The following ATG7 variants were observed in gnomAD, a reference collection of about 807,000 sequenced individuals.
ATG7 encodes the protein ubiquitin-like modifier-activating enzyme ATG7.
In ATG7, 70 loss-of-function variants were observed where a neutral mutation model predicts 82.4. That is an observed-to-expected ratio of 0.85 (90% CI 0.70 to 1.04). ATG7 has a LOEUF of 1.04. Among genes scored for constraint, ATG7 ranks in the 50% least tolerant of loss-of-function variants. The probability of loss-of-function intolerance (pLI) is 0.00; values close to 1 mark genes in which losing one functional copy is unlikely to be tolerated. For synonymous variants in ATG7, 287 were observed against 313.0 expected (o/e 0.92, Z 0.88); for missense variants, 792 against 864.3 (o/e 0.92, Z 1.05).
the ATG7 span, chr3:11,568,533 A>C: frequency 1.6e-5 from 25 of 1,544,708 alleles, no homozygotes; most frequent in Middle Eastern, 5.0e-4. This position sits in a 1 kb window ranked among gnomAD's most constrained non-coding sequence, Gnocchi z 5.9. Context: ...GGTCAGACAA[A>C]GACACTGAAA....
At chr3:11,547,700 C>A (rs1278639912) in intron 20 of ATG7, among the ~76,000 whole-genome samples, 1 of 152,188 alleles carries the variant, frequency 6.6e-6, no homozygotes, top group Non-Finnish European at 1.5e-5. Context: ...CTGGCTTTTT[C>A]ACTGCAGCCA....
At chr3:11,435,828 A>T (rs941984700) in intron 20 of ATG7, among the ~76,000 whole-genome samples, 1 of 152,228 alleles carries the variant, frequency 6.6e-6, no homozygotes, top group Non-Finnish European at 1.5e-5. Flanking sequence ...CTCCATCAAA[A>T]TTTTAAATTT....
At chr3:11,521,505 C>G (rs1373409620) in intron 20 of ATG7, among the ~76,000 whole-genome samples, 1 of 151,626 alleles carries the variant, frequency 6.6e-6, no homozygotes, top group Non-Finnish European at 1.5e-5. Context: ...GGTCTGCTGC[C>G]AGGGCTGCCG....
chr3:11,499,247 G>A (rs1275062571), intron 20 of ATG7, among the ~76,000 whole-genome samples: 1 of 63,838 alleles, frequency 1.6e-5, no homozygotes, highest in Non-Finnish European at 3.0e-5. Flanking sequence ...ATGAGACATT[G>A]CCACATTCCT....
chr3:11,489,050 G>T (rs958861426), intron 20 of ATG7, among the ~76,000 whole-genome samples: 1 of 148,658 alleles, frequency 6.7e-6, no homozygotes, highest in Non-Finnish European at 1.5e-5. Context: ...TTTTTGGTTG[G>T]TAAGCTATTG....
chr3:11,337,402 A>G (rs1417571044), intron 11 of ATG7, among the ~76,000 whole-genome samples: 4 of 152,018 alleles, frequency 2.6e-5, no homozygotes, highest in Non-Finnish European at 5.9e-5. Flanking sequence ...GCAGTGAGCC[A>G]AGATAAGTGC....
chr3:11,475,909 C>CACACACACACACACACACACA lies in ATG7; in HGVS notation c.2079+48983_2079+48984insACACACACACACACACACACA, dbSNP rs1479988312. Among the ~76,000 whole-genome samples the CACACACACACACACACACACA allele has an allele frequency of 6.5e-3, 679 of 104,658 alleles. 7 individuals are homozygous for CACACACACACACACACACACA. The highest frequency in any genetic ancestry group is 0.017 in the East Asian group (52 of 3,028). 68.7% of individuals were successfully genotyped at this position (104,658 alleles called of 152,430 possible). A position where few individuals can be genotyped will look rare whatever the true frequency, so the allele number is the denominator to read the frequency against. On this transcript the variant is annotated intron_variant, in intron 20 of 20. Coordinates refer to ENST00000693202, the MANE Select transcript of ATG7 (RefSeq NM_001349232.2). ...CACACACACACACACACACACACAC[C>CACACACACACACACACACACA]CCCTCCCAGAGTCCGAGCATTCTAG... is the stretch of plus-strand genomic sequence containing the variant.
intron 20 of ATG7, among the ~76,000 whole-genome samples, chr3:11,547,456 A>G (rs772876007): frequency 4.0e-5 from 6 of 148,234 alleles, no homozygotes; most frequent in Non-Finnish European, 7.4e-5. Context: ...AACTTTTATG[A>G]ATACTTTCCT....
At chr3:11,311,970 A>G (rs1177609907) in intron 7 of ATG7, among the ~76,000 whole-genome samples, 3 of 151,260 alleles carry the variant, frequency 2.0e-5, no homozygotes, top group African/African-American at 7.3e-5. Flanking sequence ...AGACTAGGAA[A>G]ATCCACAGAG....
At chr3:11,472,933 G>C (rs995011750) in intron 20 of ATG7, among the ~76,000 whole-genome samples, 1 of 152,154 alleles carries the variant, frequency 6.6e-6, no homozygotes, top group Non-Finnish European at 1.5e-5. Context: ...ATCCTATTGT[G>C]AGTTCTCTGA....
At chr3:11,461,899 G>A (rs975157522) in intron 20 of ATG7, among the ~76,000 whole-genome samples, 2 of 151,858 alleles carry the variant, frequency 1.3e-5, no homozygotes, top group Non-Finnish European at 2.9e-5. Context: ...GCGTGGTGGC[G>A]GGCGCCTGTA....
chr3:11,361,837 G>C (rs1427165176), intron 16 of ATG7, among the ~76,000 whole-genome samples: 3 of 152,196 alleles, frequency 2.0e-5, no homozygotes, highest in Non-Finnish European at 2.9e-5. Flanking sequence ...AAGTCAGTCT[G>C]TATGTAGGTC....
the ATG7 span, chr3:11,564,987 T>C: frequency 1.4e-5 from 22 of 1,522,972 alleles, no homozygotes; most frequent in Non-Finnish European, 1.8e-5. Context: ...CTCCCGGGGG[T>C]CTCTGCGGCA....
At chr3:11,477,258 T>C (rs2088364263) in intron 20 of ATG7, 1 of 1,274,068 alleles carries the variant, frequency 7.8e-7, no homozygotes, top group South Asian at 1.3e-5. Context: ...TTGGCTGCTT[T>C]GTTCCATAAG....
chr3:11,315,228 T>G, intron 8 of ATG7, 116 bp from the exon 9 acceptor site: 2 of 911,826 alleles, frequency 2.2e-6, no homozygotes, highest in Middle Eastern at 3.7e-4. Flanking sequence ...GTAAGAGGAG[T>G]GTGATCAGTC....
At chr3:11,482,965 C>T (rs2089190994) in intron 20 of ATG7, among the ~76,000 whole-genome samples, 1 of 151,896 alleles carries the variant, frequency 6.6e-6, no homozygotes. Context: ...CAGTCAGTAC[C>T]CCTAATGATA....
chr3:11,459,738 G>A (rs567404917), intron 20 of ATG7, among the ~76,000 whole-genome samples: 1 of 152,288 alleles, frequency 6.6e-6, no homozygotes, highest in Admixed American at 6.5e-5. Flanking sequence ...ATAGCCATTC[G>A]TTCATAATGA....
intron 11 of ATG7, among the ~76,000 whole-genome samples, chr3:11,337,342 A>T (rs931795447): frequency 6.6e-6 from 1 of 152,048 alleles, no homozygotes; most frequent in Admixed American, 6.5e-5. Context: ...AGTCGCAGCT[A>T]CTCAGGAGGC....
At chr3:11,412,813 G>A (rs1033367915) in intron 19 of ATG7, among the ~76,000 whole-genome samples, 1 of 152,014 alleles carries the variant, frequency 6.6e-6, no homozygotes, top group East Asian at 1.9e-4. Context: ...TCATGAATAT[G>A]GGGTGTGTTT....
Sources: allele counts gnomAD v4.1 joint callset (sites outside exome capture counted in the v4.1 genomes callset), GRCh38; gene constraint gnomAD v4.1.1; non-coding constraint Gnocchi (gnomAD v3.1); transcripts MANE v1.5; gene names NCBI Gene and HGNC (gene_info 2026-07-23, HGNC 2026-07-21).